The following MS4A4E variants were observed in gnomAD, a reference collection of about 807,000 sequenced individuals.
The protein encoded by MS4A4E is putative membrane-spanning 4-domains subfamily A member 4E.
A neutral mutation model predicts 13.3 loss-of-function variants in MS4A4E; 23 were observed. The observed-to-expected ratio is 1.73, with a 90% CI of 1.25 to 2.45. MS4A4E has a LOEUF of 2.45. Among genes scored for constraint, MS4A4E ranks in the 30% most tolerant of loss-of-function variants. MS4A4E has a pLI of 0.00. For missense variants in MS4A4E, 144 were observed against 131.2 expected, an observed-to-expected ratio of 1.10 and a Z score of -0.48; for synonymous variants, 36 against 45.6, an observed-to-expected ratio of 0.79 and a Z score of 0.85.
At position 60,229,966 on chromosome 11, in the gene MS4A4E, A is replaced by G. The variant is rs1199224823; in HGVS notation, c.90T>C (p.Tyr30=). The G allele has an allele frequency of 6.2e-7, 1 of 1,613,684 alleles. No homozygotes were observed. The highest frequency in any genetic ancestry group is 1.6e-4 in the Middle Eastern group (1 of 6,062). ...QLGNIDVIHS[Y]LCKGLQEKFF... The stretch of plus-strand genomic sequence containing the variant: ...ACTTCTCTTGCAATCCTTTACACAG[A>G]TATGAATGTATGACATCTATGTTTC... Residue 30 remains tyrosine (Y), a synonymous_variant, in exon 2 of 9, where the codon TAT becomes TAC. Coordinates refer to ENST00000651255, the MANE Select transcript of MS4A4E (RefSeq NM_001393391.1).
Position 60,208,616 on chromosome 11 carries a change from C to T in MS4A4E, c.460G>A (p.Val154Met), listed in dbSNP as rs1247618325. The change falls in exon 6 of 9, where the codon GTG becomes ATG. Residue 154 changes from valine to methionine, a missense_variant. By Grantham distance (21) the Val-to-Met change is conservative. Transcript: ENST00000651255. Reference protein sequence around the residue: ...AVALSAFGCKVLCCSPSESKN... With the variant: ...AVALSAFGCKMLCCSPSESKN... Reference sequence around the variant, plus strand: ...ACCTCACTGGGGCTACAACAAAGCACTTTACATCCAAAGGCAGAGAGGGCC... The same window carrying T: ...ACCTCACTGGGGCTACAACAAAGCATTTTACATCCAAAGGCAGAGAGGGCC... 25 of 1,439,998 alleles carry T rather than the reference C, an allele frequency of 1.7e-5. No homozygotes were observed. In the East Asian group the frequency reaches 5.3e-4, roughly 30 times the overall value. The allele number at this position is 1,439,998 out of a possible 1,614,324, so 89.2% of individuals were successfully genotyped here. A position where few individuals can be genotyped will look rare whatever the true frequency, so the allele number is the denominator to read the frequency against.
At chr11:60,235,621 T>C (rs2084472942) in intron 1 of MS4A4E, among the ~76,000 whole-genome samples, 1 of 152,144 alleles carries the variant, frequency 6.6e-6, no homozygotes, top group Admixed American at 6.5e-5. Flanking sequence ...TATCTTCTAT[T>C]TAGGTATTCA....
At chr11:60,225,891 A>G (rs1002458311) in intron 3 of MS4A4E, among the ~76,000 whole-genome samples, 3 of 152,104 alleles carry the variant, frequency 2.0e-5, no homozygotes, top group East Asian at 1.9e-4. Context: ...AGAAAAATAC[A>G]TAAATAAAAT....
chr11:60,226,191 A>C (rs2084339858), intron 3 of MS4A4E, among the ~76,000 whole-genome samples: 1 of 151,912 alleles, frequency 6.6e-6, no homozygotes, highest in South Asian at 2.1e-4. Context: ...CAGGCCTGGA[A>C]AGGTTTGGAA....
rs537874827 is a variant in MS4A4E, at chr11:60,200,859, AG to A, written c.*683del. 0.011 allele frequency among the ~76,000 whole-genome samples: 1,644 copies of A among 149,120 alleles called. 31 individuals are homozygous for A. Among genetic ancestry groups the A allele is most frequent in the African/African-American group, 0.039 (1,558 of 39,630 alleles). Reference sequence around the variant, plus strand: ...GCAGAGGGGCTCCTCACTTCCCAGTAGGGGCGGCTGGGCAGAGGCACCCCTC... The same window carrying A: ...GCAGAGGGGCTCCTCACTTCCCAGTAGGGCGGCTGGGCAGAGGCACCCCTC... On this transcript the variant is annotated 3_prime_UTR_variant, in exon 9 of 9. Transcript: ENST00000651255.
intron 1 of MS4A4E, among the ~76,000 whole-genome samples, chr11:60,240,262 T>C (rs2084532563): frequency 6.6e-6 from 1 of 152,246 alleles, no homozygotes. Flanking sequence ...TTGTCATTGA[T>C]ACCTTCCGTT....
chr11:60,232,094 A>T (rs2084417828), intron 1 of MS4A4E, among the ~76,000 whole-genome samples: 1 of 152,186 alleles, frequency 6.6e-6, no homozygotes, highest in South Asian at 2.1e-4. Context: ...ATAGCTGAAA[A>T]TAGAATTAGT....
chr11:60,209,955 T>C (rs993524701), intron 5 of MS4A4E, among the ~76,000 whole-genome samples: 4 of 152,238 alleles, frequency 2.6e-5, no homozygotes, highest in African/African-American at 7.2e-5. Flanking sequence ...TCAAACATTG[T>C]TGTAGGCACA....
intron 3 of MS4A4E, among the ~76,000 whole-genome samples, chr11:60,217,876 T>C (rs1258973729): frequency 6.6e-6 from 1 of 152,162 alleles, no homozygotes; most frequent in Non-Finnish European, 1.5e-5. Context: ...TTAAACAATA[T>C]GAAATCTGGG....
rs1565116635 is a variant in MS4A4E, at chr11:60,206,475, A to ATATATATATATGTATATATATATACACG, written c.484-656_484-655insCGTGTATATATATATACATATATATATA. On this transcript the variant is annotated intron_variant, in intron 6 of 8. Coordinates refer to ENST00000651255, the MANE Select transcript of MS4A4E (RefSeq NM_001393391.1). ...ATTTTGAATATATACACACACACAC[A>ATATATATATATGTATATATATATACACG]TATATATATATATGTATATATATAC... Among the ~76,000 whole-genome samples, 55 of 6,208 alleles carry ATATATATATATGTATATATATATACACG rather than the reference A, an allele frequency of 8.9e-3. 1 individual carries two copies. Among genetic ancestry groups the ATATATATATATGTATATATATATACACG allele is most frequent in the South Asian group, 0.041 (6 of 148 alleles). The allele number at this position is 6,208 out of a possible 152,430, so 4.1% of individuals were successfully genotyped here. A position where few individuals can be genotyped will look rare whatever the true frequency, so the allele number is the denominator to read the frequency against.
intron 8 of MS4A4E, among the ~76,000 whole-genome samples, chr11:60,202,968 C>T (rs1466272134): frequency 6.6e-6 from 1 of 152,030 alleles, no homozygotes; most frequent in East Asian, 1.9e-4. Flanking sequence ...TATAAATTCC[C>T]ACTTCTAAAA....
chr11:60,219,637 T>C (rs1043567973), intron 3 of MS4A4E, among the ~76,000 whole-genome samples: 1 of 152,166 alleles, frequency 6.6e-6, no homozygotes, highest in African/African-American at 2.4e-5. Context: ...GGAGGCCAGG[T>C]CCTCTTAAAG....
At chr11:60,231,096 A>G (rs147315607) in intron 1 of MS4A4E, among the ~76,000 whole-genome samples, 18 of 152,318 alleles carry the variant, frequency 1.2e-4, no homozygotes, top group African/African-American at 4.1e-4. Flanking sequence ...AAAATACATT[A>G]TTAGCTATCT....
Position 60,228,518 on chromosome 11 carries a change from T to C in MS4A4E, c.178+76A>G, listed in dbSNP as rs2084370013. 3 of 621,270 alleles carry C rather than the reference T, an allele frequency of 4.8e-6. No homozygotes were observed. In the South Asian group the frequency reaches 6.2e-5, roughly 13 times the overall value. 38.5% of individuals were successfully genotyped at this position (621,270 alleles called of 1,614,324 possible). ...GACTGAAATCTTCAAAATTGCAAAG[T>C]AACAGGGAAGACAGTTTGGCAGTTT... is the stretch of plus-strand genomic sequence containing the variant. On this transcript the variant is annotated intron_variant, in intron 3 of 8. Transcript: ENST00000651255.
At chr11:60,202,330 A>T (rs1440958046) in intron 8 of MS4A4E, among the ~76,000 whole-genome samples, 1 of 152,232 alleles carries the variant, frequency 6.6e-6, no homozygotes, top group East Asian at 1.9e-4. Context: ...TGGTGCTATG[A>T]ATGTGTTTAC....
chr11:60,219,218 G>A (rs1176377343), intron 3 of MS4A4E, among the ~76,000 whole-genome samples: 1 of 152,200 alleles, frequency 6.6e-6, no homozygotes. Context: ...AGAGCTCTGT[G>A]ATTGCCTTTC....
At chr11:60,233,600 A>C (rs1354735256) in intron 1 of MS4A4E, among the ~76,000 whole-genome samples, 1 of 152,242 alleles carries the variant, frequency 6.6e-6, no homozygotes, top group Non-Finnish European at 1.5e-5. Context: ...TGTGCCTGGA[A>C]GGCACAAGCT....
chr11:60,216,203 G>A (rs2084189771), intron 3 of MS4A4E, among the ~76,000 whole-genome samples: 1 of 152,178 alleles, frequency 6.6e-6, no homozygotes, highest in Non-Finnish European at 1.5e-5. Context: ...CTAGTTCAAT[G>A]CCTACAAGAG....
chr11:60,235,168 G>A (rs189128119), intron 1 of MS4A4E, among the ~76,000 whole-genome samples: 33 of 152,290 alleles, frequency 2.2e-4, no homozygotes, highest in African/African-American at 6.7e-4. Context: ...ACACAAGCTG[G>A]AGTGCAGTGG....
Sources: gnomAD v4.1 joint callset for allele counts (sites outside exome capture counted in the v4.1 genomes callset) on GRCh38, gnomAD v4.1.1 for gene constraint, MANE v1.5 for transcripts, NCBI Gene and HGNC (gene_info 2026-07-23, HGNC 2026-07-21) for gene names.